The following ANKRD11 variants were observed in gnomAD, a reference collection of about 807,000 sequenced individuals.
ANKRD11 encodes ankyrin repeat domain 11.
ANKRD11 carries 17 observed loss-of-function variants against 195.7 expected under a neutral mutation model. The ratio of observed to expected loss-of-function variants is 0.09; its 90% CI spans 0.06 to 0.13. The LOEUF (loss-of-function observed/expected upper bound fraction) is 0.13. Among genes scored for constraint, ANKRD11 ranks in the 10% least tolerant of loss-of-function variants. The probability of loss-of-function intolerance (pLI) is 1.00; values close to 1 mark genes in which losing one functional copy is unlikely to be tolerated. For missense variants in ANKRD11, 3,735 were observed against 3,566.1 expected (o/e 1.05, Z -1.21); for synonymous variants, 1,953 against 1,528.1 (o/e 1.28, Z -6.49).
intron 2 of ANKRD11, among the ~76,000 whole-genome samples, chr16:89,365,572 A>G (rs909475805): frequency 2.6e-5 from 4 of 152,218 alleles, no homozygotes; most frequent in African/African-American, 9.7e-5. Context: ...CCAAGCTCTT[A>G]TGTCTTGTGT....
At chr16:89,366,866 C>T (rs185864148) in intron 2 of ANKRD11, among the ~76,000 whole-genome samples, 65 of 152,354 alleles carry the variant, frequency 4.3e-4, no homozygotes, top group African/African-American at 1.4e-3. Context: ...AAGCCACTCA[C>T]GGCCTCTGTC....
chr16:89,456,372 AACC>A, intron 1 of ANKRD11, among the ~76,000 whole-genome samples: 1 of 151,248 alleles, frequency 6.6e-6, no homozygotes, highest in Non-Finnish European at 1.5e-5. Flanking sequence ...AACATGGAAA[AACC>A]CTGTCTCTAC....
intron 2 of ANKRD11, among the ~76,000 whole-genome samples, chr16:89,405,599 G>A (rs932027801): frequency 2.0e-5 from 3 of 151,296 alleles, no homozygotes; most frequent in Non-Finnish European, 4.4e-5. Flanking sequence ...CTCCCAAAGT[G>A]CTGGGATTAC....
intron 9 of ANKRD11, chr16:89,278,758 G>T: frequency 1.8e-6 from 1 of 562,944 alleles, no homozygotes; most frequent in Non-Finnish European, 3.4e-6. Flanking sequence ...GGAGTGGAGA[G>T]GGGAGAGTGA....
intron 3 of ANKRD11, among the ~76,000 whole-genome samples, chr16:89,307,904 G>A (rs1318157915): frequency 6.6e-6 from 1 of 152,244 alleles, no homozygotes; most frequent in East Asian, 1.9e-4. Flanking sequence ...AGAACCTGAT[G>A]AGGGAAAGTT....
At chr16:89,321,934 C>T (rs917829221) in intron 2 of ANKRD11, among the ~76,000 whole-genome samples, 2 of 152,142 alleles carry the variant, frequency 1.3e-5, no homozygotes, top group Non-Finnish European at 2.9e-5. Flanking sequence ...TGGAGACCCG[C>T]TGCTGCTGCG....
intron 2 of ANKRD11, among the ~76,000 whole-genome samples, chr16:89,341,205 G>A (rs768045761): frequency 3.8e-4 from 58 of 152,180 alleles, no homozygotes; most frequent in Admixed American, 9.8e-4. Flanking sequence ...TGAGATCCGC[G>A]GAGAAGACTG....
chr16:89,325,743 A>T (rs1050770208), intron 2 of ANKRD11, among the ~76,000 whole-genome samples: 1 of 152,210 alleles, frequency 6.6e-6, no homozygotes, highest in African/African-American at 2.4e-5. Context: ...CAGCTGAAGC[A>T]GTCTTTCAGA....
chr16:89,297,065 G>A (rs2035484579), intron 4 of ANKRD11, among the ~76,000 whole-genome samples: 1 of 152,306 alleles, frequency 6.6e-6, no homozygotes, highest in South Asian at 2.1e-4. Flanking sequence ...TCCCTGGGAG[G>A]TCTGAAGCTG....
intron 1 of ANKRD11, among the ~76,000 whole-genome samples, chr16:89,467,381 G>A (rs901225719): frequency 6.6e-6 from 1 of 152,192 alleles, no homozygotes; most frequent in African/African-American, 2.4e-5. Context: ...AGTTGAGGCT[G>A]CAGTGAGCTG....
rs753429290 is a variant in ANKRD11, at chr16:89,283,759, T to C, written c.2783A>G (p.Lys928Arg). The C allele has an allele frequency of 1.9e-5, 30 of 1,613,446 alleles. No individual in the cohort carries two copies. The highest frequency in any genetic ancestry group is 1.6e-4 in the Middle Eastern group (1 of 6,080). The part of the protein sequence containing the change: ...EKRKEQTEKH[K>R]SVPGYLSEKD... ...TTCCGAAAGGTAGCCAGGGACACTTTTATGCTTTTCGGTCTGCTCTTTCCT... is the reference window on the plus strand; with the variant it reads ...TTCCGAAAGGTAGCCAGGGACACTTCTATGCTTTTCGGTCTGCTCTTTCCT... Residue 928 changes from lysine to arginine, a missense_variant, in exon 9 of 13, where the codon AAA becomes AGA. Coordinates refer to ENST00000301030, the MANE Select transcript of ANKRD11 (RefSeq NM_013275.6). The surrounding 1 kb of genome is among the most constrained non-coding windows in gnomAD (Gnocchi z 4.3).
intron 4 of ANKRD11, chr16:89,300,628 C>T: frequency 6.1e-6 from 3 of 490,862 alleles, no homozygotes; most frequent in South Asian, 5.8e-5. Flanking sequence ...GTGGCTAAGT[C>T]TGTCTTCCCT....
chr16:89,308,283 G>C (rs1484855927), intron 3 of ANKRD11, among the ~76,000 whole-genome samples: 1 of 152,256 alleles, frequency 6.6e-6, no homozygotes, highest in East Asian at 1.9e-4. Context: ...AGAAAATAAA[G>C]AAAAGAAAAC....
intron 7 of ANKRD11, chr16:89,287,297 AGGGCCCAT>A (rs1328008129): frequency 8.3e-6 from 3 of 361,474 alleles, no homozygotes; most frequent in African/African-American, 6.4e-5. Flanking sequence ...TCAAGCTTTA[AGGGCCCAT>A]GGGGCTGCCC....
Position 89,348,153 on chromosome 16 carries a change from A to G in ANKRD11, c.-59-31075T>C, listed in dbSNP as rs376607677. 9.9e-5 allele frequency among the ~76,000 whole-genome samples: 15 copies of G among 152,168 alleles called. 1 individual carries two copies. In the South Asian group the frequency reaches 1.2e-3, roughly 13 times the overall value. On this transcript the variant is annotated intron_variant, in intron 2 of 12. Coordinates refer to ENST00000301030, the MANE Select transcript of ANKRD11 (RefSeq NM_013275.6). ...CACCATGTTGCCCAAGCTGCTCTGC[A>G]ACTCCTGGACTCAAACAGTCCTCCC... is the stretch of plus-strand genomic sequence containing the variant.
chr16:89,443,873 G>C (rs1016708882), intron 1 of ANKRD11, among the ~76,000 whole-genome samples: 1 of 152,210 alleles, frequency 6.6e-6, no homozygotes, highest in Non-Finnish European at 1.5e-5. Flanking sequence ...GCAGGGGCTT[G>C]TCTTGGAGGA....
intron 3 of ANKRD11, chr16:89,313,432 C>G (rs1170206349): frequency 5.4e-6 from 7 of 1,289,012 alleles, no homozygotes; most frequent in African/African-American, 1.5e-5. Context: ...AGAAGGGGCC[C>G]TTTCTCTGAC....
intron 1 of ANKRD11, among the ~76,000 whole-genome samples, chr16:89,446,580 G>T (rs1309310266): frequency 4.6e-5 from 7 of 152,052 alleles, no homozygotes; most frequent in African/African-American, 1.7e-4. Context: ...CTCCAGCCTG[G>T]GTGACAGAGC....
chr16:89,348,652 T>C (rs1439902441), intron 2 of ANKRD11, among the ~76,000 whole-genome samples: 1 of 152,252 alleles, frequency 6.6e-6, no homozygotes, highest in African/African-American at 2.4e-5. Flanking sequence ...AAGCTATCTA[T>C]TTCTTCTTCA....
Sources: gnomAD v4.1 joint callset for allele counts (sites outside exome capture counted in the v4.1 genomes callset) on GRCh38, gnomAD v4.1.1 for gene constraint, Gnocchi (gnomAD v3.1) non-coding constraint, MANE v1.5 for transcripts, NCBI Gene and HGNC (gene_info 2026-07-23, HGNC 2026-07-21) for gene names.